CEP164: variants seen among roughly 807,000 people sequenced by gnomAD.
CEP164 encodes centrosomal protein 164, also known as centrosomal protein of 164 kDa.
In CEP164, 162 loss-of-function variants were observed where a neutral mutation model predicts 182.7. The ratio of observed to expected loss-of-function variants is 0.89; its 90% CI spans 0.78 to 1.01. The LOEUF (loss-of-function observed/expected upper bound fraction) is 1.01. CEP164 is among the 50% of genes least tolerant of loss of function. The pLI, the probability that CEP164 is intolerant of heterozygous loss-of-function variation, is 0.00. For synonymous variants in CEP164, 661 were observed against 690.0 expected, an observed-to-expected ratio of 0.96 and a Z score of 0.66; for missense variants, 1,735 against 1,790.4, an observed-to-expected ratio of 0.97 and a Z score of 0.56.
At chr11:117,348,885 A>G (rs1383691896) in intron 4 of CEP164, among the ~76,000 whole-genome samples, 1 of 152,232 alleles carries the variant, frequency 6.6e-6, no homozygotes, top group African/African-American at 2.4e-5. Context: ...AAGTGGAATT[A>G]TGCAATATTT....
intron 15 of CEP164, 144 bp from the exon 16 acceptor site, chr11:117,390,633 C>G: frequency 1.8e-6 from 2 of 1,098,614 alleles, no homozygotes; most frequent in South Asian, 1.6e-5. Context: ...AAGAACCTGT[C>G]TCCAAAAAGA....
At chr11:117,375,342 C>T (rs2042629017) in intron 10 of CEP164, among the ~76,000 whole-genome samples, 1 of 152,176 alleles carries the variant, frequency 6.6e-6, no homozygotes, top group African/African-American at 2.4e-5. Context: ...TATGTGCTCT[C>T]CAACCTGCTT....
At chr11:117,332,311 A>G (rs2036353106) in intron 1 of CEP164, among the ~76,000 whole-genome samples, 1 of 152,166 alleles carries the variant, frequency 6.6e-6, no homozygotes, top group South Asian at 2.1e-4. Flanking sequence ...ACGGTGGCTC[A>G]CGCCTGTAAT....
At position 117,392,281 on chromosome 11, in the gene CEP164, C is replaced by G. The variant is rs138384561; in HGVS notation, c.2339C>G (p.Ser780Ter). Residue 780 changes from serine to a stop codon, truncating the protein, a stop_gained, in exon 18 of 33, where the codon TCA becomes TGA. Coordinates refer to ENST00000278935, the MANE Select transcript of CEP164 (RefSeq NM_014956.5). LOFTEE classifies it high-confidence loss of function. ...GCTGAGCTGGAGCGGCTCTGCTCCT[C>G]ATTGGAGGCCAAGCACCGGGAGGTA... is the stretch of plus-strand genomic sequence containing the variant. The part of the protein sequence containing the change: ...HSAELERLCS[S>*]LEAKHREVVS... The G allele has an allele frequency of 6.2e-7, 1 of 1,611,558 alleles. No individual in the cohort carries two copies. Among genetic ancestry groups the G allele is most frequent in the Non-Finnish European group, 8.5e-7 (1 of 1,179,690 alleles).
chr11:117,411,521 G>C lies in CEP164; in HGVS notation c.4164-274G>C. 2.5e-6 allele frequency: 1 copy of C among 407,972 alleles called. No homozygotes were observed. Among genetic ancestry groups the C allele is most frequent in the South Asian group, 2.5e-5 (1 of 39,768 alleles). 25.3% of individuals were successfully genotyped at this position (407,972 alleles called of 1,614,324 possible). A position where few individuals can be genotyped will look rare whatever the true frequency, so the allele number is the denominator to read the frequency against. On this transcript the variant is annotated intron_variant, in intron 31 of 32. Coordinates refer to ENST00000278935, the MANE Select transcript of CEP164 (RefSeq NM_014956.5). This position sits in a 1 kb window ranked among gnomAD's most constrained non-coding sequence, Gnocchi z 4.4. The stretch of plus-strand genomic sequence containing the variant: ...AGTTGACAGAGGGGAGCGCTTTGCT[G>C]ATGAGATTGGCGGGAGCAGGCGGAT...
chr11:117,362,292 T>A (rs544861227), intron 6 of CEP164, 112 bp from the exon 7 acceptor site: 1 of 1,199,998 alleles, frequency 8.3e-7, no homozygotes, highest in African/African-American at 1.5e-5. Flanking sequence ...TTCATGGACA[T>A]GGTGGCACTT....
At position 117,410,098 on chromosome 11, in the gene CEP164, C is replaced by T. The variant is rs756731687; in HGVS notation, c.4096+133C>T. ...CATCCCTTTGCCACACCTCTCCTCC[C>T]CCAACGTTACCATAGTCCATTGGTC... On this transcript the variant is annotated intron_variant, in intron 30 of 32. Transcript: ENST00000278935. 3.5e-6 allele frequency: 3 copies of T among 853,336 alleles called. No homozygotes were observed. In the South Asian group the frequency reaches 4.3e-5, roughly 12 times the overall value. 52.9% of individuals were successfully genotyped at this position (853,336 alleles called of 1,614,324 possible). A position where few individuals can be genotyped will look rare whatever the true frequency, so the allele number is the denominator to read the frequency against.
At position 117,338,682 on chromosome 11, in the gene CEP164, G is replaced by A; in HGVS notation, c.82+14G>A. On this transcript the variant is annotated intron_variant, in intron 3 of 32. Transcript: ENST00000278935. ...CTAGTGAGCAAGGTAACAAGTCTGT[G>A]AAGAGGCCTGTGGTGTATTGTGTTT... 6.3e-7 allele frequency: 1 copy of A among 1,583,958 alleles called. No individual in the cohort carries two copies. The highest frequency in any genetic ancestry group is 1.1e-5 in the South Asian group (1 of 90,496).
At chr11:117,335,968 C>A (rs1413867170) in intron 2 of CEP164, among the ~76,000 whole-genome samples, 1 of 151,620 alleles carries the variant, frequency 6.6e-6, no homozygotes, top group Non-Finnish European at 1.5e-5. Context: ...AATAGCTCCC[C>A]TGCTAAACTC....
intron 12 of CEP164, among the ~76,000 whole-genome samples, chr11:117,381,022 G>A (rs930483460): frequency 3.3e-5 from 5 of 152,220 alleles, no homozygotes; most frequent in African/African-American, 1.2e-4. Flanking sequence ...CAGGGCTGAT[G>A]AAGCTGTGTG....
Position 117,362,420 on chromosome 11 carries a change from A to T in CEP164, c.569A>T (p.Lys190Met). ...GELMLPSQGL[K>M]TSAYTKGLLG... ...ATTTTGAAGCCTTCACAGGGTCTCA[A>T]GACCTCTGCTTATACAAAGGGTCTC... The change falls in exon 7 of 33, where the codon AAG becomes ATG. Residue 190 changes from lysine (K) to methionine (M), a missense_variant. Transcript: ENST00000278935. 1 of 1,613,374 alleles carries T rather than the reference A, an allele frequency of 6.2e-7. No homozygotes were observed. Among genetic ancestry groups the T allele is most frequent in the Non-Finnish European group, 8.5e-7 (1 of 1,179,686 alleles).
At chr11:117,399,211 C>T (rs1230797449) in intron 27 of CEP164, among the ~76,000 whole-genome samples, 1 of 152,168 alleles carries the variant, frequency 6.6e-6, no homozygotes, top group Non-Finnish European at 1.5e-5. Context: ...TCAACTCCCA[C>T]TTATGAGTGA....
intron 6 of CEP164, among the ~76,000 whole-genome samples, 161 bp from the exon 7 acceptor site, chr11:117,362,243 A>G (rs369304991): frequency 6.6e-6 from 1 of 152,166 alleles, no homozygotes; most frequent in African/African-American, 2.4e-5. Context: ...GGAGTAGGCA[A>G]AGGGAGTCAT....
rs1003217826 is a variant in CEP164, at chr11:117,411,783, C to T, written c.4164-12C>T. On this transcript the variant is annotated splice_polypyrimidine_tract_variant and intron_variant, in intron 31 of 32. Coordinates refer to ENST00000278935, the MANE Select transcript of CEP164 (RefSeq NM_014956.5). This position sits in a 1 kb window ranked among gnomAD's most constrained non-coding sequence, Gnocchi z 4.4. ...CTCTCTCCCCTCGCCATGCTCTCCTCTTCCTTCCCAGTGAGCAGCTCCGGC... is the reference window on the plus strand; with the variant it reads ...CTCTCTCCCCTCGCCATGCTCTCCTTTTCCTTCCCAGTGAGCAGCTCCGGC... The T allele has an allele frequency of 1.9e-6, 3 of 1,613,960 alleles. No homozygotes were observed. Among genetic ancestry groups the T allele is most frequent in the African/African-American group, 1.3e-5 (1 of 74,932 alleles).
At chr11:117,365,329 GTGAA>G (rs777886741) in intron 8 of CEP164, among the ~76,000 whole-genome samples, 2 of 152,222 alleles carry the variant, frequency 1.3e-5, no homozygotes, top group Non-Finnish European at 2.9e-5. Context: ...TTGTGAATGA[GTGAA>G]TGAGCCACCT....
intron 5 of CEP164, among the ~76,000 whole-genome samples, chr11:117,357,581 C>A (rs909303709): frequency 6.6e-6 from 1 of 151,322 alleles, no homozygotes; most frequent in Non-Finnish European, 1.5e-5. Context: ...GCTAACACAC[C>A]TGGCTAATTT....
chr11:117,345,440 A>G (rs532486415), intron 4 of CEP164, among the ~76,000 whole-genome samples: 1 of 152,168 alleles, frequency 6.6e-6, no homozygotes, highest in Non-Finnish European at 1.5e-5. Context: ...AGTGAGTGCC[A>G]TGAATTTACT....
intron 11 of CEP164, among the ~76,000 whole-genome samples, 155 bp downstream of exon 11, chr11:117,375,946 G>A (rs888675159): frequency 6.6e-6 from 1 of 152,056 alleles, no homozygotes; most frequent in African/African-American, 2.4e-5. Flanking sequence ...TGCCTTTCAC[G>A]GGGCTTCTGA....
In CEP164 at chr11:117,362,432, A is replaced by T. The variant is rs2041102726; in HGVS notation, c.581A>T (p.Tyr194Phe). ...LPSQGLKTSA[Y>F]TKGLLGSIYE... ...TCACAGGGTCTCAAGACCTCTGCTT[A>T]TACAAAGGGTCTCTTGGGCTCCATA... The change falls in exon 7 of 33, where the codon TAT becomes TTT. Residue 194 changes from tyrosine (Y) to phenylalanine (F), a missense_variant. Physicochemically the swap from Tyr to Phe is conservative, Grantham distance 22. Transcript: ENST00000278935. 2 of 1,613,708 alleles carry T rather than the reference A, an allele frequency of 1.2e-6. No homozygotes were observed. Among genetic ancestry groups the T allele is most frequent in the Non-Finnish European group, 1.7e-6 (2 of 1,179,866 alleles).
Sources: gnomAD v4.1 joint callset for allele counts (sites outside exome capture counted in the v4.1 genomes callset) on GRCh38, gnomAD v4.1.1 for gene constraint, Gnocchi (gnomAD v3.1) non-coding constraint, MANE v1.5 for transcripts, NCBI Gene and HGNC (gene_info 2026-07-23, HGNC 2026-07-21) for gene names.